The following VCP variants were observed in gnomAD, a reference collection of about 807,000 sequenced individuals.
VCP encodes valosin containing protein.
VCP carries 6 observed loss-of-function variants against 85.7 expected under a neutral mutation model. The ratio of observed to expected loss-of-function variants is 0.07; its 90% CI spans 0.04 to 0.14. VCP has a LOEUF of 0.14. Ranked by LOEUF, VCP falls within the 10% of genes least tolerant of loss-of-function variation. The pLI is 1.00. For synonymous variants in VCP, 384 were observed against 367.1 expected (o/e 1.05, Z -0.53); for missense variants, 353 against 1,043.4 (o/e 0.34, Z 9.12).
Position 35,069,899 on chromosome 9 carries a change from T to C in VCP, c.18-1537A>G, listed in dbSNP as rs147070487. 1.7e-3 allele frequency among the ~76,000 whole-genome samples: 253 copies of C among 152,344 alleles called. 1 individual carries two copies. Among genetic ancestry groups the C allele is most frequent in the African/African-American group, 5.7e-3 (236 of 41,586 alleles). On this transcript the variant is annotated intron_variant, in intron 1 of 16. Transcript: ENST00000358901. ...CATTCAACAAATTCATGAGTCTCTA[T>C]TATGTACCAGGCATTGTTCTAAGGG...
rs1384739320 is a variant in VCP, at chr9:35,061,878, G to A, written c.1081+125C>T. On this transcript the variant is annotated intron_variant, in intron 9 of 16. Coordinates refer to ENST00000358901, the MANE Select transcript of VCP (RefSeq NM_007126.5). ...GGTTGGTCACTCTAGACAGGACGTA[G>A]GGTAAAGGAAAAAGACCCCTGGACC... 20 of 1,555,064 alleles carry A rather than the reference G, an allele frequency of 1.3e-5. No individual in the cohort carries two copies. In the East Asian group the frequency reaches 4.1e-4, roughly 32 times the overall value.
Position 35,058,770 on chromosome 9 carries a change from AAAAAAACAAAAAAC to A in VCP, c.2160+280_2160+293del, listed in dbSNP as rs1554668093. 6.0e-4 allele frequency among the ~76,000 whole-genome samples: 91 copies of A among 152,028 alleles called. 1 individual carries two copies. The South Asian group carries it at 0.01, about 17-fold the overall frequency. On this transcript the variant is annotated intron_variant, in intron 15 of 16. Coordinates refer to ENST00000358901, the MANE Select transcript of VCP (RefSeq NM_007126.5). ...CAACAGAGTGAGACTTCGTCTCAAA[AAAAAAACAAAAAAC>A]AAAAAACAAAAAAAACCTTGCTGTG... is the stretch of plus-strand genomic sequence containing the variant.
intron 12 of VCP, 27 bp downstream of exon 12, chr9:35,060,774 G>A (rs769365847): frequency 6.2e-7 from 1 of 1,614,090 alleles, no homozygotes; most frequent in Non-Finnish European, 8.5e-7. Context: ...CTGAGACAGT[G>A]ACTCACCCTG....
intron 5 of VCP, 58 bp from the exon 6 acceptor site, chr9:35,064,343 G>C: frequency 6.2e-7 from 1 of 1,606,108 alleles, no homozygotes; most frequent in Non-Finnish European, 8.5e-7. Context: ...AGCAAAAGCT[G>C]AGTTTCTCTA....
At chr9:35,064,117 C>A in intron 6 of VCP, 37 bp downstream of exon 6, 2 of 1,613,798 alleles carry the variant, frequency 1.2e-6, no homozygotes, top group Admixed American at 1.7e-5. Context: ...GACATTGGCA[C>A]CACTTTAGAC....
chr9:35,066,907 G>A lies in VCP; in HGVS notation c.303-90C>T, dbSNP rs867698126. ...AAGGGCCTGGCACAGATAGCTGATA[G>A]TAAGTGAAAAAGAAAAGGCAGGATG... is the stretch of plus-strand genomic sequence containing the variant. On this transcript the variant is annotated intron_variant, in intron 3 of 16. Coordinates refer to ENST00000358901, the MANE Select transcript of VCP (RefSeq NM_007126.5). 6 of 1,600,840 alleles carry A rather than the reference G, an allele frequency of 3.7e-6. No homozygotes were observed. In the African/African-American group the frequency reaches 4.0e-5, roughly 11 times the overall value.
At position 35,056,630 on chromosome 9, in the gene VCP, A is replaced by G. The variant is rs1332445192; in HGVS notation, c.*487T>C. On this transcript the variant is annotated 3_prime_UTR_variant, in exon 17 of 17. Transcript: ENST00000358901. ...TTTTTTGGTTTAGAAACTGCTTGTG[A>G]TTAGTTTTCCAACATTAACTCAAAA... 1 of 186,092 alleles carries G rather than the reference A, an allele frequency of 5.4e-6. No homozygotes were observed. Among genetic ancestry groups the G allele is most frequent in the Non-Finnish European group, 1.1e-5 (1 of 86,998 alleles). The allele number at this position is 186,092 out of a possible 1,614,324, so 11.5% of individuals were successfully genotyped here.
At chr9:35,069,050 G>A (rs1828888146) in intron 1 of VCP, among the ~76,000 whole-genome samples, 2 of 152,138 alleles carry the variant, frequency 1.3e-5, no homozygotes, top group Admixed American at 6.5e-5. Flanking sequence ...TGGGGACAAC[G>A]AAGCAGAATC....
chr9:35,072,059 C>T (rs1223119762), intron 1 of VCP: 2 of 1,264,236 alleles, frequency 1.6e-6, no homozygotes. Context: ...TCTAAGGGAG[C>T]CAATCGGGCG....
chr9:35,067,309 G>T (rs1027782282), intron 3 of VCP, among the ~76,000 whole-genome samples: 2 of 152,172 alleles, frequency 1.3e-5, no homozygotes, highest in African/African-American at 4.8e-5. Context: ...GTGATGGTTG[G>T]TTGGGTAGGA....
chr9:35,060,160 AC>A (rs1828693975), intron 13 of VCP, among the ~76,000 whole-genome samples, 152 bp downstream of exon 13: 1 of 152,058 alleles, frequency 6.6e-6, no homozygotes, highest in Non-Finnish European at 1.5e-5. Flanking sequence ...AAAAAATAAC[AC>A]TAGGTCTCTC....
At chr9:35,063,868 G>A (rs893626222) in intron 6 of VCP, among the ~76,000 whole-genome samples, 5 of 152,328 alleles carry the variant, frequency 3.3e-5, no homozygotes, top group Non-Finnish European at 5.9e-5. Context: ...ATTGATACAA[G>A]AATGGCTTTT....
Position 35,059,778 on chromosome 9 carries a change from C to T in VCP, c.1719G>A (p.Val573=). The change falls in exon 14 of 17, where the codon GTG becomes GTA. Residue 573 remains valine, a synonymous_variant. Coordinates refer to ENST00000358901, the MANE Select transcript of VCP (RefSeq NM_007126.5). This position sits in a 1 kb window ranked among gnomAD's most constrained non-coding sequence, Gnocchi z 4.9. ...FDKARQAAPC[V]LFFDELDSIA... is the part of the protein sequence containing the mutation. ...TCGAATCCAGCTCATCAAAGAATAG[C>T]ACACAGGGGGCAGCTTGGCGGGCCT... 2 of 1,614,108 alleles carry T rather than the reference C, an allele frequency of 1.2e-6. No individual in the cohort carries two copies. The highest frequency in any genetic ancestry group is 1.7e-6 in the Non-Finnish European group (2 of 1,180,022).
Position 35,064,187 on chromosome 9 carries a change from T to C in VCP, c.675A>G (p.Arg225=), listed in dbSNP as rs780139186. 3 of 1,614,178 alleles carry C rather than the reference T, an allele frequency of 1.9e-6. No individual in the cohort carries two copies. The Admixed American group carries it at 5.0e-5, about 27-fold the overall frequency. ...QIKEMVELPL[R]HPALFKAIGV... The stretch of plus-strand genomic sequence containing the variant: ...CAATTGCCTTAAAGAGGGCAGGATG[T>C]CTCAGGGGCAGTTCCACCATCTCCT... Residue 225 remains arginine, a synonymous_variant, in exon 6 of 17, where the codon AGA becomes AGG. Coordinates refer to ENST00000358901, the MANE Select transcript of VCP (RefSeq NM_007126.5).
rs2131041103 is a variant in VCP, at chr9:35,068,335, G to A, written c.45C>T (p.Ala15=). ...ADSKGDDLST[A]ILKQKNRPNR... ...TGGGACGGTTCTTCTGTTTGAGAAT[G>A]GCTGTTGATAGGTCATCACCTTTTG... The change falls in exon 2 of 17, where the codon GCC becomes GCT. Residue 15 remains alanine (A), a synonymous_variant. Transcript: ENST00000358901. 7 of 1,614,164 alleles carry A rather than the reference G, an allele frequency of 4.3e-6. No individual in the cohort carries two copies. The highest frequency in any genetic ancestry group is 5.9e-6 in the Non-Finnish European group (7 of 1,180,042).
At chr9:35,072,242 C>T in intron 1 of VCP, 95 bp downstream of exon 1, 1 of 1,469,730 alleles carries the variant, frequency 6.8e-7, no homozygotes, top group Non-Finnish European at 9.0e-7. Flanking sequence ...CTCCACCTCT[C>T]TGACGCGCCC....
At chr9:35,060,552 A>G in intron 12 of VCP, 27 bp from the exon 13 acceptor site, 1 of 1,608,948 alleles carries the variant, frequency 6.2e-7, no homozygotes. Flanking sequence ...AGAGGGTTCA[A>G]GGCTACCTCC....
At position 35,066,927 on chromosome 9, in the gene VCP, A is replaced by G. The variant is rs1828845746; in HGVS notation, c.303-110T>C. On this transcript the variant is annotated intron_variant, in intron 3 of 16. Transcript: ENST00000358901. ...TGATAGTAAGTGAAAAAGAAAAGGC[A>G]GGATGGCTTTAGGCGAAGAGAGGAA... 1.1e-5 allele frequency: 17 copies of G among 1,564,168 alleles called. No homozygotes were observed. The South Asian group carries it at 1.8e-4, about 16-fold the overall frequency.
At chr9:35,058,896 C>T (rs1032055682) in intron 15 of VCP, among the ~76,000 whole-genome samples, 168 bp downstream of exon 15, 1 of 152,222 alleles carries the variant, frequency 6.6e-6, no homozygotes, top group Non-Finnish European at 1.5e-5. Flanking sequence ...CGGCCTTATT[C>T]CAAATTGAAT....
Sources: gnomAD v4.1 joint callset for allele counts (sites outside exome capture counted in the v4.1 genomes callset) on GRCh38, gnomAD v4.1.1 for gene constraint, Gnocchi (gnomAD v3.1) non-coding constraint, MANE v1.5 for transcripts, NCBI Gene and HGNC (gene_info 2026-07-23, HGNC 2026-07-21) for gene names.